The following TOP6BL variants were observed in gnomAD, a reference collection of about 807,000 sequenced individuals.
TOP6BL encodes the protein TOP6B like initiator of meiotic double strand breaks, also known as type 2 DNA topoisomerase 6 subunit B-like.
At chr11:66,813,662 G>T in the TOP6BL span, among the ~76,000 whole-genome samples, 1 of 152,076 alleles carries the variant, frequency 6.6e-6, no homozygotes, top group African/African-American at 2.4e-5. Flanking sequence ...GAACCTGGGA[G>T]GTGGAGGTTG....
the TOP6BL span, chr11:66,762,070 C>T: frequency 7.8e-7 from 1 of 1,276,376 alleles, no homozygotes; most frequent in African/African-American, 1.5e-5. Context: ...TAGCTTCTGT[C>T]CCATTCAGTT....
At chr11:66,837,872 C>G in the TOP6BL span, among the ~76,000 whole-genome samples, 654 of 152,242 alleles carry the variant, frequency 4.3e-3, 4 homozygotes, top group African/African-American at 0.015. Flanking sequence ...ATTGAACTAA[C>G]CAGTGTGGCA....
the TOP6BL span, chr11:66,828,433 G>T: frequency 9.9e-5 from 121 of 1,218,900 alleles, 1 homozygote; most frequent in African/African-American, 1.3e-3. Context: ...TGAATTGAGG[G>T]TGGGTAGGTA....
At chr11:66,842,114 G>T in the TOP6BL span, among the ~76,000 whole-genome samples, 3 of 152,066 alleles carry the variant, frequency 2.0e-5, no homozygotes, top group Non-Finnish European at 4.4e-5. Flanking sequence ...GAGGCAGTAG[G>T]ATCGCTTGAG....
At chr11:66,842,361 C>T in the TOP6BL span, among the ~76,000 whole-genome samples, 1 of 152,230 alleles carries the variant, frequency 6.6e-6, no homozygotes, top group Non-Finnish European at 1.5e-5. Flanking sequence ...GCTCATTGAT[C>T]TGCATCCCCA....
the TOP6BL span, among the ~76,000 whole-genome samples, chr11:66,777,716 C>G: frequency 6.6e-6 from 1 of 151,872 alleles, no homozygotes; most frequent in African/African-American, 2.4e-5. Flanking sequence ...ATGGTGAAAC[C>G]CCGTCTCTAC....
chr11:66,812,759 T>C, the TOP6BL span, among the ~76,000 whole-genome samples: 1 of 152,106 alleles, frequency 6.6e-6, no homozygotes, highest in Non-Finnish European at 1.5e-5. Context: ...CTTAATGGGG[T>C]AATTTTGTCC....
At chr11:66,823,018 AG>A in the TOP6BL span, among the ~76,000 whole-genome samples, 24 of 150,640 alleles carry the variant, frequency 1.6e-4, no homozygotes, top group African/African-American at 5.9e-4. Flanking sequence ...AAAAATGCCC[AG>A]GGCAGTGGCT....
At chr11:66,782,560 G>A in the TOP6BL span, among the ~76,000 whole-genome samples, 1 of 151,916 alleles carries the variant, frequency 6.6e-6, no homozygotes, top group African/African-American at 2.4e-5. Context: ...CCTCTGCTTG[G>A]GTTCCATGTC....
chr11:66,761,844 G>T, the TOP6BL span: 1 of 906,394 alleles, frequency 1.1e-6, no homozygotes, highest in Non-Finnish European at 1.9e-6. Context: ...TTCTTGTCCA[G>T]CTTCATCCTC....
the TOP6BL span, among the ~76,000 whole-genome samples, chr11:66,813,535 C>T: frequency 1.3e-5 from 2 of 152,098 alleles, no homozygotes; most frequent in Non-Finnish European, 2.9e-5. Context: ...GAGATCGAGA[C>T]CATCCTGGCC....
chr11:66,812,467 C>T, the TOP6BL span, among the ~76,000 whole-genome samples: 15 of 152,082 alleles, frequency 9.9e-5, no homozygotes, highest in Non-Finnish European at 1.9e-4. Flanking sequence ...TGAGCCACCG[C>T]GCCTGGCCCT....
the TOP6BL span, among the ~76,000 whole-genome samples, chr11:66,766,785 A>G: frequency 6.6e-6 from 1 of 152,198 alleles, no homozygotes; most frequent in Non-Finnish European, 1.5e-5. Context: ...CTAAACTCCA[A>G]TGGAATAGCT....
At chr11:66,777,150 TTAACA>T in the TOP6BL span, among the ~76,000 whole-genome samples, 35 of 151,508 alleles carry the variant, frequency 2.3e-4, no homozygotes, top group Non-Finnish European at 4.4e-5. Flanking sequence ...CTTTTTTTAC[TTAACA>T]TAAGCATTTT....
chr11:66,801,708 T>G, the TOP6BL span, among the ~76,000 whole-genome samples: 1 of 152,132 alleles, frequency 6.6e-6, no homozygotes, highest in Non-Finnish European at 1.5e-5. Flanking sequence ...TGGTAGCACA[T>G]GCCTGTAATC....
At chr11:66,780,555 G>C in the TOP6BL span, among the ~76,000 whole-genome samples, 289 of 152,040 alleles carry the variant, frequency 1.9e-3, 2 homozygotes, top group African/African-American at 6.7e-3. Flanking sequence ...ATTGTCTTCT[G>C]CGCTTTATTG....
the TOP6BL span, among the ~76,000 whole-genome samples, chr11:66,836,739 C>T: frequency 6.9e-6 from 1 of 144,460 alleles, no homozygotes; most frequent in Non-Finnish European, 1.5e-5. Flanking sequence ...CTTGCCCTGC[C>T]ACCCAGGCTG....
the TOP6BL span, chr11:66,771,417 A>G: frequency 6.6e-6 from 1 of 152,442 alleles, no homozygotes; most frequent in Non-Finnish European, 1.5e-5. Flanking sequence ...GATTGAGACC[A>G]TCCTGGCTAA....
At chr11:66,815,095 C>A in the TOP6BL span, among the ~76,000 whole-genome samples, 1 of 152,118 alleles carries the variant, frequency 6.6e-6, no homozygotes, top group Non-Finnish European at 1.5e-5. Context: ...GGTATGAGAA[C>A]ATTGAAGCCT....
Sources: gnomAD v4.1 joint callset for allele counts (sites outside exome capture counted in the v4.1 genomes callset) on GRCh38, gnomAD v4.1.1 for gene constraint, MANE v1.5 for transcripts, NCBI Gene and HGNC (gene_info 2026-07-23, HGNC 2026-07-21) for gene names.